REL: variants seen among roughly 807,000 people sequenced by gnomAD.
REL encodes proto-oncogene c-Rel.
Under a neutral mutation model 45.9 loss-of-function variants are expected in REL, and 15 were observed. The observed-to-expected ratio is 0.33, with a 90% CI of 0.22 to 0.50. The LOEUF is 0.50. Among genes scored for constraint, REL ranks in the 20% least tolerant of loss-of-function variants. The pLI is 0.98. For synonymous variants in REL, 239 were observed against 242.1 expected (o/e 0.99, Z 0.12); for missense variants, 601 against 715.2 (o/e 0.84, Z 1.82).
chr2:60,920,270 C>T, intron 8 of REL, 161 bp downstream of exon 8: 1 of 634,812 alleles, frequency 1.6e-6, no homozygotes. Flanking sequence ...AGGGCAATCT[C>T]AACTCACTGC....
At chr2:60,892,200 A>G (rs1191372754) in intron 2 of REL, among the ~76,000 whole-genome samples, 7 of 152,192 alleles carry the variant, frequency 4.6e-5, no homozygotes, top group Admixed American at 3.3e-4. Flanking sequence ...TAGATTAAAC[A>G]TGGATTTGAG....
chr2:60,894,923 C>T (rs544369567), intron 3 of REL, among the ~76,000 whole-genome samples: 5 of 136,078 alleles, frequency 3.7e-5, no homozygotes, highest in Non-Finnish European at 7.6e-5. Context: ...ATGGCGCAAT[C>T]TCGGCTCACT....
At chr2:60,904,984 C>A (rs1295866936) in intron 4 of REL, among the ~76,000 whole-genome samples, 2 of 152,180 alleles carry the variant, frequency 1.3e-5, no homozygotes, top group Non-Finnish European at 2.9e-5. Flanking sequence ...ACTCTAAGGT[C>A]ATGGTTTTAA....
chr2:60,894,625 C>T (rs891687499), intron 3 of REL, 80 bp downstream of exon 3: 8 of 1,109,366 alleles, frequency 7.2e-6, no homozygotes, highest in South Asian at 2.3e-5. Flanking sequence ...CAATCTGTTA[C>T]TTTTTAGCAG....
chr2:60,893,491 T>C (rs1434098587), intron 2 of REL, among the ~76,000 whole-genome samples: 1 of 152,240 alleles, frequency 6.6e-6, no homozygotes, highest in African/African-American at 2.4e-5. Flanking sequence ...TAATTCATCT[T>C]ATCCTATGCA....
At chr2:60,921,069 C>G (rs1674128021) in intron 9 of REL, among the ~76,000 whole-genome samples, 1 of 151,556 alleles carries the variant, frequency 6.6e-6, no homozygotes, top group African/African-American at 2.4e-5. Flanking sequence ...CTCACAAAGC[C>G]TAAAATATTT....
At chr2:60,891,878 G>C (rs1283302234) in intron 2 of REL, 53 bp downstream of exon 2, 1 of 1,434,502 alleles carries the variant, frequency 7.0e-7, no homozygotes, top group East Asian at 2.5e-5. Context: ...TCATATACTA[G>C]CTATAGCAAT....
chr2:60,898,422 C>T (rs1004651819), intron 3 of REL, among the ~76,000 whole-genome samples: 2 of 152,220 alleles, frequency 1.3e-5, no homozygotes, highest in African/African-American at 2.4e-5. Context: ...TTAGTTTCCT[C>T]TGTTTCCACT....
chr2:60,884,002 A>G (rs1401294974), intron 1 of REL, among the ~76,000 whole-genome samples: 1 of 151,452 alleles, frequency 6.6e-6, no homozygotes, highest in African/African-American at 2.4e-5. Flanking sequence ...ACTTTTCCTT[A>G]ATCTGTTATA....
intron 4 of REL, among the ~76,000 whole-genome samples, chr2:60,901,646 C>G (rs1417943353): frequency 6.6e-6 from 1 of 152,102 alleles, no homozygotes; most frequent in Non-Finnish European, 1.5e-5. Context: ...AATAAAACTT[C>G]AAAATGTTGT....
chr2:60,918,029 A>C (rs1674030301), intron 5 of REL, among the ~76,000 whole-genome samples, 162 bp from the exon 6 acceptor site: 1 of 152,226 alleles, frequency 6.6e-6, no homozygotes, highest in African/African-American at 2.4e-5. Flanking sequence ...GCAGTTAGAA[A>C]GGAAGTGGAC....
intron 1 of REL, among the ~76,000 whole-genome samples, chr2:60,890,649 AAGTTGC>A (rs1252807978): frequency 2.6e-5 from 4 of 152,198 alleles, no homozygotes; most frequent in Admixed American, 2.6e-4. Flanking sequence ...AATAAAAGTA[AAGTTGC>A]ATACATTTTA....
At chr2:60,896,164 C>A (rs932096595) in intron 3 of REL, among the ~76,000 whole-genome samples, 1 of 151,980 alleles carries the variant, frequency 6.6e-6, no homozygotes, top group Non-Finnish European at 1.5e-5. Context: ...CCACCATGCC[C>A]AGCTAATTTT....
At chr2:60,894,889 C>A (rs367794424) in intron 3 of REL, among the ~76,000 whole-genome samples, 1 of 142,538 alleles carries the variant, frequency 7.0e-6, no homozygotes, top group African/African-American at 2.6e-5. Flanking sequence ...GGAGTTTTAC[C>A]CTTGTTGCCT....
rs1482422037 is a variant in REL, at chr2:60,881,640, C to G, written c.-201C>G. 1 of 523,028 alleles carries G rather than the reference C, an allele frequency of 1.9e-6. No homozygotes were observed. The highest frequency in any genetic ancestry group is 3.4e-6 in the Non-Finnish European group (1 of 295,226). 32.4% of individuals were successfully genotyped at this position (523,028 alleles called of 1,614,324 possible). On this transcript the variant is annotated 5_prime_UTR_variant, in exon 1 of 10. Coordinates refer to ENST00000394479, the MANE Select transcript of REL (RefSeq NM_001291746.2). ...ACGGTGGACGGCGACGCTGGGTGACCCGGGGTGCAAGAATTCAGGGGTTGG... is the reference window on the plus strand; with the variant it reads ...ACGGTGGACGGCGACGCTGGGTGACGCGGGGTGCAAGAATTCAGGGGTTGG...
chr2:60,914,382 T>G (rs1255800725), intron 4 of REL, among the ~76,000 whole-genome samples: 2 of 152,200 alleles, frequency 1.3e-5, no homozygotes, highest in Non-Finnish European at 2.9e-5. Flanking sequence ...TTGAGAAGAT[T>G]CAAAGCAAAA....
At chr2:60,886,946 G>A (rs1388418813) in intron 1 of REL, among the ~76,000 whole-genome samples, 1 of 152,144 alleles carries the variant, frequency 6.6e-6, no homozygotes, top group Non-Finnish European at 1.5e-5. Flanking sequence ...TTTGCATAGT[G>A]TTGCTTAAAG....
chr2:60,882,898 G>C (rs906315455), intron 1 of REL, among the ~76,000 whole-genome samples: 1 of 152,120 alleles, frequency 6.6e-6, no homozygotes, highest in Non-Finnish European at 1.5e-5. Flanking sequence ...CTCCCTTTGG[G>C]GGGGAATAAG....
intron 2 of REL, among the ~76,000 whole-genome samples, chr2:60,893,443 T>G (rs1673270461): frequency 6.6e-6 from 1 of 152,214 alleles, no homozygotes; most frequent in African/African-American, 2.4e-5. Context: ...GAAATACTAT[T>G]TGTCCAGTTT....
Sources: gnomAD v4.1 joint callset for allele counts (sites outside exome capture counted in the v4.1 genomes callset) on GRCh38, gnomAD v4.1.1 for gene constraint, MANE v1.5 for transcripts, NCBI Gene and HGNC (gene_info 2026-07-23, HGNC 2026-07-21) for gene names.